The following TCF12 variants were observed in gnomAD, a reference collection of about 807,000 sequenced individuals.
TCF12 encodes DNA-binding protein HTF4.
A neutral mutation model predicts 86.0 loss-of-function variants in TCF12; 45 were observed. That is an observed-to-expected ratio of 0.52 (90% CI 0.41 to 0.67). The LOEUF is 0.67. TCF12 is among the 30% of genes least tolerant of loss of function. The pLI is 0.00. For missense variants in TCF12, 881 were observed against 859.9 expected (o/e 1.02, Z -0.31); for synonymous variants, 330 against 299.6 (o/e 1.10, Z -1.05).
intron 6 of TCF12, among the ~76,000 whole-genome samples, chr15:57,185,788 A>G (rs2056633023): frequency 6.6e-6 from 1 of 152,196 alleles, no homozygotes; most frequent in Non-Finnish European, 1.5e-5. Context: ...AGACTGAGGT[A>G]GGAAGATCAC....
At chr15:56,940,455 TTTCTTCTTCCTCTTC>T (rs1345094108) in intron 3 of TCF12, among the ~76,000 whole-genome samples, 1 of 151,678 alleles carries the variant, frequency 6.6e-6, no homozygotes, top group Admixed American at 6.6e-5. Flanking sequence ...CTTCTTCTTC[TTTCTTCTTCCTCTTC>T]TTCTTCTTCT....
intron 7 of TCF12, among the ~76,000 whole-genome samples, chr15:57,196,165 GAA>G (rs59723460): frequency 8.2e-5 from 12 of 146,390 alleles, no homozygotes; most frequent in Non-Finnish European, 1.1e-4. Context: ...ACCACAGATA[GAA>G]AAAAAAAAAA....
intron 5 of TCF12, among the ~76,000 whole-genome samples, chr15:57,161,799 CATA>C (rs1258816036): frequency 6.6e-6 from 1 of 152,152 alleles, no homozygotes; most frequent in East Asian, 1.9e-4. Context: ...ATTTTCATAT[CATA>C]ATTGTTGCAG....
At chr15:57,247,785 C>T in intron 13 of TCF12, 1 of 748,216 alleles carries the variant, frequency 1.3e-6, no homozygotes. Context: ...GCTGCCTCCA[C>T]CTCTTCAACA....
intron 3 of TCF12, among the ~76,000 whole-genome samples, chr15:56,955,102 G>A (rs1477725014): frequency 3.3e-5 from 5 of 152,128 alleles, no homozygotes; most frequent in East Asian, 3.8e-4. Flanking sequence ...ACATGCACAC[G>A]TATGTTTATT....
At chr15:56,957,805 A>T (rs1243372669) in intron 3 of TCF12, among the ~76,000 whole-genome samples, 3 of 151,924 alleles carry the variant, frequency 2.0e-5, no homozygotes, top group African/African-American at 7.3e-5. Context: ...TATTTCTAGG[A>T]ACTTTTAGAG....
At chr15:56,949,036 G>A (rs1354725886) in intron 3 of TCF12, among the ~76,000 whole-genome samples, 4 of 152,142 alleles carry the variant, frequency 2.6e-5, no homozygotes, top group Non-Finnish European at 5.9e-5. Context: ...TGACTTCCAA[G>A]AAAGGTCACT....
intron 6 of TCF12, among the ~76,000 whole-genome samples, chr15:57,191,276 C>A (rs1004677500): frequency 6.6e-6 from 1 of 152,058 alleles, no homozygotes; most frequent in Non-Finnish European, 1.5e-5. Context: ...CCAGCCTGGG[C>A]AATATAGGGA....
chr15:57,273,007 C>T (rs747423502), intron 18 of TCF12, 23 bp from the exon 19 acceptor site: 29 of 1,606,612 alleles, frequency 1.8e-5, no homozygotes, highest in Non-Finnish European at 5.1e-6. Flanking sequence ...CCTAATAGAC[C>T]TTGTTGTTAC....
chr15:57,037,165 G>A (rs1392045965), intron 3 of TCF12, among the ~76,000 whole-genome samples: 1 of 152,054 alleles, frequency 6.6e-6, no homozygotes, highest in Non-Finnish European at 1.5e-5. Flanking sequence ...GTAGTATAAG[G>A]GGCTCGAGCA....
intron 6 of TCF12, among the ~76,000 whole-genome samples, chr15:57,177,695 TTTTTA>T (rs2056049276): frequency 6.7e-6 from 1 of 150,260 alleles, no homozygotes; most frequent in South Asian, 2.1e-4. Flanking sequence ...CTTTCTTTTA[TTTTTA>T]TTTTATTTAC....
At chr15:57,198,051 C>G (rs539970500) in intron 8 of TCF12, among the ~76,000 whole-genome samples, 2 of 152,292 alleles carry the variant, frequency 1.3e-5, no homozygotes, top group South Asian at 4.1e-4. Context: ...TACTCCTTGT[C>G]CCTGTCATTT....
intron 5 of TCF12, among the ~76,000 whole-genome samples, chr15:57,109,727 C>T (rs941460497): frequency 6.6e-6 from 1 of 152,090 alleles, no homozygotes; most frequent in Non-Finnish European, 1.5e-5. Flanking sequence ...CTTAATTTGC[C>T]TTTCTACATT....
At chr15:56,919,806 C>T in intron 1 of TCF12, 86 bp from the exon 2 acceptor site, 1 of 1,231,800 alleles carries the variant, frequency 8.1e-7, no homozygotes, top group South Asian at 1.3e-5. Context: ...AGCGCTCTTG[C>T]GTAATCTTCC....
intron 4 of TCF12, among the ~76,000 whole-genome samples, chr15:57,077,797 T>C (rs2070260658): frequency 6.6e-6 from 1 of 151,964 alleles, no homozygotes; most frequent in South Asian, 2.1e-4. Flanking sequence ...GTTATGCTAA[T>C]CCTGGCTTGA....
At chr15:57,290,730 T>C (rs1567063555), downstream of TCF12, 2 of 152,296 alleles carry the variant, frequency 1.3e-5, no homozygotes, top group East Asian at 1.9e-4. Context: ...TGGTCAGTTA[T>C]TGACTGGGAG....
At chr15:56,970,437 G>A (rs533330883) in intron 3 of TCF12, among the ~76,000 whole-genome samples, 7 of 128,334 alleles carry the variant, frequency 5.5e-5, no homozygotes, top group Non-Finnish European at 7.7e-5. Context: ...CCGAGACCAC[G>A]CCACTGCACT....
chr15:56,954,648 GAGA>G (rs1177565700), intron 3 of TCF12, among the ~76,000 whole-genome samples: 1 of 152,142 alleles, frequency 6.6e-6, no homozygotes, highest in East Asian at 1.9e-4. Flanking sequence ...TACAAAATGG[GAGA>G]AGATTTTTGC....
At chr15:57,096,408 A>T (rs537781315) in intron 5 of TCF12, among the ~76,000 whole-genome samples, 1 of 152,250 alleles carries the variant, frequency 6.6e-6, no homozygotes, top group South Asian at 2.1e-4. Context: ...GGAAAAAAAA[A>T]AGATCATGAA....
Sources: gnomAD v4.1 joint callset for allele counts (sites outside exome capture counted in the v4.1 genomes callset) on GRCh38, gnomAD v4.1.1 for gene constraint, MANE v1.5 for transcripts, NCBI Gene and HGNC (gene_info 2026-07-23, HGNC 2026-07-21) for gene names.